PCDH9: variants seen among roughly 807,000 people sequenced by gnomAD.
PCDH9 encodes protocadherin-9.
In PCDH9, 24 loss-of-function variants were observed where a neutral mutation model predicts 70.6. The ratio of observed to expected loss-of-function variants is 0.34; its 90% CI spans 0.25 to 0.48. The LOEUF is 0.48. Among genes scored for constraint, PCDH9 ranks in the 20% least tolerant of loss-of-function variants. PCDH9 has a pLI of 0.99. For synonymous variants in PCDH9, 562 were observed against 558.5 expected (o/e 1.01, Z -0.09); for missense variants, 1,281 against 1,503.6 (o/e 0.85, Z 2.45).
At chr13:66,918,132 A>G (rs2082584589) in intron 2 of PCDH9, among the ~76,000 whole-genome samples, 4 of 151,338 alleles carry the variant, frequency 2.6e-5, no homozygotes, top group Admixed American at 1.3e-4. Context: ...ACAGAATCCA[A>G]CTGTAGCCAT....
intron 4 of PCDH9, among the ~76,000 whole-genome samples, chr13:66,387,386 C>T (rs1459300537): frequency 1.3e-5 from 2 of 151,984 alleles, no homozygotes; most frequent in African/African-American, 2.4e-5. Flanking sequence ...GATATTTGTG[C>T]CCTCCAAACC....
At chr13:66,387,197 T>C (rs1195554830) in intron 4 of PCDH9, among the ~76,000 whole-genome samples, 1 of 152,208 alleles carries the variant, frequency 6.6e-6, no homozygotes, top group Non-Finnish European at 1.5e-5. Flanking sequence ...CCATTATCTA[T>C]TAGAAGACTG....
chr13:67,094,754 T>C (rs1242982095), intron 2 of PCDH9, among the ~76,000 whole-genome samples: 1 of 152,110 alleles, frequency 6.6e-6, no homozygotes, highest in African/African-American at 2.4e-5. Context: ...CTTTGAATCA[T>C]GAACCTTCTG....
intron 4 of PCDH9, among the ~76,000 whole-genome samples, chr13:66,414,006 G>T (rs144931103): frequency 4.5e-4 from 69 of 151,788 alleles, no homozygotes; most frequent in Non-Finnish European, 9.6e-4. Flanking sequence ...TCTAGACAAT[G>T]AATAGAAAAG....
chr13:67,144,041 G>T (rs969512473), intron 2 of PCDH9, among the ~76,000 whole-genome samples: 3 of 152,012 alleles, frequency 2.0e-5, no homozygotes, highest in African/African-American at 7.2e-5. Flanking sequence ...CTATCTCAAA[G>T]AAATTCCCTT....
chr13:66,442,016 A>G (rs868497148), intron 4 of PCDH9, among the ~76,000 whole-genome samples: 1 of 152,254 alleles, frequency 6.6e-6, no homozygotes, highest in Middle Eastern at 3.4e-3. Flanking sequence ...TCTGAACTGA[A>G]TGACTTTTGG....
intron 3 of PCDH9, among the ~76,000 whole-genome samples, chr13:66,684,243 T>G (rs2078368009): frequency 6.6e-6 from 1 of 152,208 alleles, no homozygotes; most frequent in African/African-American, 2.4e-5. Context: ...TAACTACAAC[T>G]GTGCTTCTTG....
intron 2 of PCDH9, among the ~76,000 whole-genome samples, chr13:66,904,713 C>G (rs2082331364): frequency 6.6e-6 from 1 of 151,772 alleles, no homozygotes; most frequent in Non-Finnish European, 1.5e-5. Context: ...TTTTTAAAAG[C>G]AAATGTGTTT....
At chr13:67,224,730 C>CT (rs200944675) in intron 2 of PCDH9, 48,107 of 525,286 alleles carry the variant, frequency 0.092, 554 homozygotes, top group Admixed American at 0.13. Context: ...AGCAAGCATT[C>CT]TTTTTTTTTT....
chr13:66,323,992 A>G lies in PCDH9; in HGVS notation c.3341-18964T>C, dbSNP rs151199194. Among the ~76,000 whole-genome samples the G allele has an allele frequency of 2.0e-5, 3 of 152,234 alleles. No homozygotes were observed. The East Asian group carries it at 5.8e-4, about 29-fold the overall frequency. On this transcript the variant is annotated intron_variant, in intron 4 of 4. Transcript: ENST00000377865. ...CAAATACAATTGAAGTTGCATCACT[A>G]AAATGTACATTGCCTATATATGCTG...
At position 66,674,899 on chromosome 13, in the gene PCDH9, G is replaced by A. The variant is rs183227519; in HGVS notation, c.3139-43488C>T. Among the ~76,000 whole-genome samples, 358 of 152,112 alleles carry A rather than the reference G, an allele frequency of 2.4e-3. 1 individual carries two copies. Among genetic ancestry groups the A allele is most frequent in the Admixed American group, 4.4e-3 (67 of 15,272 alleles). ...GTGTGGTTCATTTATGCTTCTGATGGAATAAAGAGAACTACCATTAAATTA... is the reference window on the plus strand; with the variant it reads ...GTGTGGTTCATTTATGCTTCTGATGAAATAAAGAGAACTACCATTAAATTA... On this transcript the variant is annotated intron_variant, in intron 3 of 4. Coordinates refer to ENST00000377865, the MANE Select transcript of PCDH9 (RefSeq NM_203487.3).
At chr13:66,314,483 A>G (rs1955616126) in intron 4 of PCDH9, among the ~76,000 whole-genome samples, 1 of 152,210 alleles carries the variant, frequency 6.6e-6, no homozygotes, top group Admixed American at 6.5e-5. Context: ...AGAGCTCTTT[A>G]TCTGCACTTC....
intron 3 of PCDH9, among the ~76,000 whole-genome samples, chr13:66,894,070 C>T (rs1205640116): frequency 6.6e-6 from 1 of 152,114 alleles, no homozygotes; most frequent in African/African-American, 2.4e-5. Context: ...GCATATGGAT[C>T]TCCTGATGGT....
chr13:66,999,778 A>G (rs1291355170), intron 2 of PCDH9, among the ~76,000 whole-genome samples: 3 of 152,184 alleles, frequency 2.0e-5, no homozygotes, highest in African/African-American at 4.8e-5. Context: ...CAAAACCACA[A>G]TGAGATACCA....
intron 3 of PCDH9, among the ~76,000 whole-genome samples, chr13:66,792,335 A>C (rs1036934624): frequency 6.6e-6 from 1 of 152,146 alleles, no homozygotes; most frequent in Non-Finnish European, 1.5e-5. Context: ...ACTCCTATAG[A>C]GTTAGGAAAA....
chr13:66,999,918 G>T (rs1402869654), intron 2 of PCDH9, among the ~76,000 whole-genome samples: 1 of 152,184 alleles, frequency 6.6e-6, no homozygotes, highest in Non-Finnish European at 1.5e-5. Context: ...GTGGAAGTCA[G>T]TGTGGCGATT....
chr13:67,178,402 AC>A (rs754337786), intron 2 of PCDH9, among the ~76,000 whole-genome samples: 20 of 152,128 alleles, frequency 1.3e-4, no homozygotes, highest in Non-Finnish European at 2.4e-4. Flanking sequence ...GCACACAATA[AC>A]TATTTATCTA....
chr13:66,824,195 T>C (rs762206283), intron 3 of PCDH9, among the ~76,000 whole-genome samples: 2 of 151,250 alleles, frequency 1.3e-5, no homozygotes, highest in Non-Finnish European at 2.9e-5. Flanking sequence ...ATTTTAGAAA[T>C]ACTTGTCTTA....
chr13:66,699,095 G>A (rs541572420), intron 3 of PCDH9, among the ~76,000 whole-genome samples: 11 of 151,644 alleles, frequency 7.3e-5, no homozygotes, highest in African/African-American at 2.7e-4. Flanking sequence ...TTGTATTTTT[G>A]TAGCAAAGGG....
Sources: gnomAD v4.1 joint callset for allele counts (sites outside exome capture counted in the v4.1 genomes callset) on GRCh38, gnomAD v4.1.1 for gene constraint, MANE v1.5 for transcripts, NCBI Gene and HGNC (gene_info 2026-07-23, HGNC 2026-07-21) for gene names.